CSTF3: variants seen among roughly 807,000 people sequenced by gnomAD.
CSTF3 encodes CF-1 77 kDa subunit.
Under a neutral mutation model 105.8 loss-of-function variants are expected in CSTF3, and 29 were observed. The ratio of observed to expected loss-of-function variants is 0.27; its 90% CI spans 0.20 to 0.37. The LOEUF is 0.37. Ranked by LOEUF, CSTF3 falls within the 10% of genes least tolerant of loss-of-function variation. The pLI is 1.00. For missense variants in CSTF3, 357 were observed against 879.3 expected, an observed-to-expected ratio of 0.41 and a Z score of 7.51; for synonymous variants, 252 against 281.9, an observed-to-expected ratio of 0.89 and a Z score of 1.06.
chr11:33,147,750 C>T (rs1855802902), intron 1 of CSTF3, among the ~76,000 whole-genome samples: 1 of 152,118 alleles, frequency 6.6e-6, no homozygotes, highest in Admixed American at 6.5e-5. Flanking sequence ...CACTCTGAAT[C>T]ATGGATTTGC....
At chr11:33,119,022 TTTG>T (rs1329593681) in intron 3 of CSTF3, among the ~76,000 whole-genome samples, 1 of 151,674 alleles carries the variant, frequency 6.6e-6, no homozygotes, top group African/African-American at 2.4e-5. Context: ...TAATCTCACT[TTTG>T]TTTGCTGAGT....
intron 3 of CSTF3, among the ~76,000 whole-genome samples, chr11:33,139,678 T>A (rs1189467237): frequency 1.3e-5 from 2 of 151,950 alleles, no homozygotes; most frequent in African/African-American, 2.4e-5. Flanking sequence ...ATATAAATTT[T>A]AAAAAATATA....
intron 10 of CSTF3, among the ~76,000 whole-genome samples, chr11:33,101,270 G>T (rs1704245308): frequency 6.6e-6 from 1 of 152,138 alleles, no homozygotes; most frequent in Non-Finnish European, 1.5e-5. Context: ...GAAAATCTGG[G>T]CATAAATGTT....
intron 3 of CSTF3, among the ~76,000 whole-genome samples, chr11:33,116,823 C>T (rs942426893): frequency 6.6e-6 from 1 of 151,846 alleles, no homozygotes; most frequent in Admixed American, 6.6e-5. Context: ...AGGAAAGATG[C>T]TATTGCTGTC....
chr11:33,155,883 T>C (rs1273950341), intron 1 of CSTF3, among the ~76,000 whole-genome samples: 2 of 152,014 alleles, frequency 1.3e-5, no homozygotes, highest in East Asian at 3.9e-4. Flanking sequence ...AAGCTTAAAA[T>C]CATGAATTGG....
Position 33,085,267 on chromosome 11 carries a change from G to T in CSTF3, c.1974C>A (p.Ile658=). The change falls in exon 21 of 21, where the codon ATC becomes ATA. Residue 658 remains isoleucine, a synonymous_variant. Transcript: ENST00000323959. ...IPNTVEEAVR[I]ITGGAPELAV... ...CTAGCTCTGGGGCCCCACCAGTAAT[G>T]ATCCTCACAGCTTCCTCAACAGCTA... The T allele has an allele frequency of 6.4e-7, 1 of 1,552,798 alleles. No individual in the cohort carries two copies. Among genetic ancestry groups the T allele is most frequent in the Non-Finnish European group, 8.7e-7 (1 of 1,153,492 alleles).
intron 3 of CSTF3, among the ~76,000 whole-genome samples, chr11:33,124,541 T>C (rs891778522): frequency 6.6e-6 from 1 of 152,128 alleles, no homozygotes; most frequent in Non-Finnish European, 1.5e-5. Context: ...CTCATAATCA[T>C]TTTTGCCCTG....
chr11:33,141,905 T>C lies in CSTF3; in HGVS notation c.109A>G (p.Ile37Val). The change falls in exon 2 of 21, where the codon ATT (isoleucine) becomes GTT (valine). Residue 37 changes from isoleucine (I) to valine (V), a missense_variant. By Grantham distance (29) the Ile-to-Val change is conservative. Around this residue, in one of 4 missense-constraint regions of CSTF3, gnomAD observed 78 missense variants for 180.4 expected, o/e 0.43. Transcript: ENST00000323959. Reference sequence around the variant, plus strand: ...TAAACCTGTGCCTCTCGAATGAGAATGCTCCAAGCATCAAGGTCATATGGA... The same window carrying C: ...TAAACCTGTGCCTCTCGAATGAGAACGCTCCAAGCATCAAGGTCATATGGA... ...ENPYDLDAWSILIREAQNQPI... is the reference protein window; with the variant it reads ...ENPYDLDAWSVLIREAQNQPI... 2 of 1,602,432 alleles carry C rather than the reference T, an allele frequency of 1.2e-6. No homozygotes were observed. The highest frequency in any genetic ancestry group is 2.2e-5 in the East Asian group (1 of 44,804).
intron 1 of CSTF3, 23 bp from the exon 2 acceptor site, chr11:33,142,009 A>T: frequency 6.2e-7 from 1 of 1,613,424 alleles, no homozygotes; most frequent in Non-Finnish European, 8.5e-7. Context: ...AACAACAGTG[A>T]ACTAAAGTTA....
intron 3 of CSTF3, among the ~76,000 whole-genome samples, chr11:33,114,275 G>A (rs531132499): frequency 6.6e-6 from 1 of 152,098 alleles, no homozygotes; most frequent in African/African-American, 2.4e-5. Flanking sequence ...ATATTCACTT[G>A]TTCAAAAATA....
chr11:33,099,592 G>T lies in CSTF3; in HGVS notation c.936+16C>A. 2.0e-6 allele frequency: 3 copies of T among 1,509,928 alleles called. No homozygotes were observed. Among genetic ancestry groups the T allele is most frequent in the Admixed American group, 1.8e-5 (1 of 54,464 alleles). 93.5% of individuals were successfully genotyped at this position (1,509,928 alleles called of 1,614,324 possible). On this transcript the variant is annotated intron_variant, in intron 11 of 20. Transcript: ENST00000323959. The surrounding 1 kb of genome is among the most constrained non-coding windows in gnomAD (Gnocchi z 4.1). Reference sequence around the variant, plus strand: ...CCACAAAAATATCAAAGTGGGGATAGGGAAGGAACACTTACTCCCTTTTCT... The same window carrying T: ...CCACAAAAATATCAAAGTGGGGATATGGAAGGAACACTTACTCCCTTTTCT...
In CSTF3 at chr11:33,142,909, C is replaced by G. The variant is rs7948783; in HGVS notation, c.28-923G>C. Among the ~76,000 whole-genome samples, 1,343 of 152,134 alleles carry G rather than the reference C, an allele frequency of 8.8e-3. 18 individuals carry two copies. The highest frequency in any genetic ancestry group is 0.03 in the African/African-American group (1,226 of 41,500). On this transcript the variant is annotated intron_variant, in intron 1 of 20. Transcript: ENST00000323959. Reference sequence around the variant, plus strand: ...GATGCTGAAAAATTCCACTGTATGCCCGTGAGAGATTAGGAGTGAAAAAGG... The same window carrying G: ...GATGCTGAAAAATTCCACTGTATGCGCGTGAGAGATTAGGAGTGAAAAAGG...
intron 1 of CSTF3, among the ~76,000 whole-genome samples, chr11:33,159,545 G>A (rs1370395052): frequency 8.1e-6 from 1 of 123,798 alleles, no homozygotes. Context: ...GCAGTAAGGC[G>A]AAATCGCGCC....
chr11:33,114,454 T>TG (rs1022487590), intron 3 of CSTF3, among the ~76,000 whole-genome samples: 26 of 135,664 alleles, frequency 1.9e-4, no homozygotes, highest in African/African-American at 5.7e-4. Context: ...CCTTATCCCT[T>TG]GGGGAAAAAA....
chr11:33,148,860 G>GTTTTT (rs551371475), intron 1 of CSTF3, among the ~76,000 whole-genome samples: 1 of 133,684 alleles, frequency 7.5e-6, no homozygotes, highest in Non-Finnish European at 1.6e-5. Context: ...CTGTTGCTGT[G>GTTTTT]TTTTTTTTTT....
At position 33,110,229 on chromosome 11, in the gene CSTF3, T is replaced by C. The variant is rs187493564; in HGVS notation, c.226-1811A>G. Among the ~76,000 whole-genome samples, 443 of 152,318 alleles carry C rather than the reference T, an allele frequency of 2.9e-3. 1 individual carries two copies. Among genetic ancestry groups the C allele is most frequent in the Non-Finnish European group, 4.1e-3 (281 of 68,020 alleles). ...AAAGTAGTAGAAATTGACCCTTCTC[T>C]ACCATGACAGCTGTGTAGCAGGTGT... On this transcript the variant is annotated intron_variant, in intron 3 of 20. Transcript: ENST00000323959.
At chr11:33,141,831 C>G (rs1174652876) in intron 2 of CSTF3, 54 bp downstream of exon 2, 1 of 1,572,012 alleles carries the variant, frequency 6.4e-7, no homozygotes, top group East Asian at 2.2e-5. Flanking sequence ...ACTGCAGAAC[C>G]AAGTAGTGTG....
At chr11:33,148,982 G>A (rs1308403690) in intron 1 of CSTF3, among the ~76,000 whole-genome samples, 1 of 150,506 alleles carries the variant, frequency 6.6e-6, no homozygotes, top group Non-Finnish European at 1.5e-5. Flanking sequence ...GTGTACCACC[G>A]CTCCTTGCTC....
chr11:33,159,634 A>C (rs28716054), intron 1 of CSTF3, among the ~76,000 whole-genome samples: 2 of 139,354 alleles, frequency 1.4e-5, no homozygotes. Context: ...TTAGCTGGGC[A>C]TGGTGGCGCG....
Sources: gnomAD v4.1 joint callset for allele counts (sites outside exome capture counted in the v4.1 genomes callset) on GRCh38, gnomAD v4.1.1 for gene constraint, gnomAD v4.1.1 regional missense constraint, Gnocchi (gnomAD v3.1) non-coding constraint, MANE v1.5 for transcripts, NCBI Gene and HGNC (gene_info 2026-07-23, HGNC 2026-07-21) for gene names.